Variants in FGD5 observed in about 807,000 individuals in gnomAD.
The protein encoded by FGD5 is FYVE, RhoGEF and PH domain containing 5.
A neutral mutation model predicts 133.4 loss-of-function variants in FGD5; 28 were observed. That is an observed-to-expected ratio of 0.21 (90% confidence interval 0.16 to 0.29). The LOEUF (loss-of-function observed/expected upper bound fraction) is 0.29. Among genes scored for constraint, FGD5 ranks in the 10% least tolerant of loss-of-function variants. FGD5 has a pLI of 1.00. For missense variants in FGD5, 1,858 were observed against 1,895.2 expected, an observed-to-expected ratio of 0.98 and a Z score of 0.36; for synonymous variants, 810 against 776.5, an observed-to-expected ratio of 1.04 and a Z score of -0.72.
chr3:14,821,516 C>G lies in FGD5; in HGVS notation c.2445C>G (p.Asn815Lys), dbSNP rs77774191. The change falls in exon 1 of 20, where the codon AAC becomes AAG. Residue 815 changes from asparagine (N) to lysine (K), a missense_variant. Asn to Lys is a moderately conservative substitution (Grantham distance 94). Transcript: ENST00000285046. ...EDQSRALSTA[N>K]ENDGYVDMSS... is the part of the protein sequence containing the mutation. ...AGAGCAGAGCCCTGTCCACAGCAAA[C>G]GAAAATGATGGCTACGTGGACATGA... 2.5e-6 allele frequency: 4 copies of G among 1,613,942 alleles called. No homozygotes were observed. In the South Asian group the frequency reaches 3.3e-5, roughly 13 times the overall value.
chr3:14,815,019 T>C (rs2036347665), upstream of FGD5, among the ~76,000 whole-genome samples: 1 of 152,190 alleles, frequency 6.6e-6, no homozygotes, highest in Non-Finnish European at 1.5e-5. Context: ...GCTTGGATAA[T>C]TGCAGGAGTC....
intron 1 of FGD5, among the ~76,000 whole-genome samples, chr3:14,840,290 G>A (rs909358884): frequency 1.3e-5 from 2 of 152,016 alleles, no homozygotes; most frequent in East Asian, 1.9e-4. Context: ...GATTACAGGC[G>A]TGTGCCACCA....
chr3:14,897,480 T>A, intron 4 of FGD5, 29 bp from the exon 5 acceptor site: 2 of 1,591,510 alleles, frequency 1.3e-6, no homozygotes, highest in Middle Eastern at 1.7e-4. Context: ...CCTATCAACC[T>A]GTGGGTAACA....
chr3:14,854,924 T>C (rs573541816), intron 1 of FGD5, among the ~76,000 whole-genome samples: 1 of 152,298 alleles, frequency 6.6e-6, no homozygotes, highest in African/African-American at 2.4e-5. Flanking sequence ...ATAACTGTAG[T>C]CCTCCTACAG....
At chr3:14,866,532 C>T (rs1027572922) in intron 2 of FGD5, among the ~76,000 whole-genome samples, 2 of 152,116 alleles carry the variant, frequency 1.3e-5, no homozygotes, top group Admixed American at 6.5e-5. Context: ...AGCTTTGTCC[C>T]TTGCTGGCTG....
chr3:14,876,114 G>A (rs1429635696), intron 2 of FGD5, among the ~76,000 whole-genome samples: 3 of 152,210 alleles, frequency 2.0e-5, no homozygotes, highest in Non-Finnish European at 4.4e-5. Context: ...TCTCCCACAG[G>A]TAGGACATGG....
chr3:14,837,440 G>C (rs2036837167), intron 1 of FGD5, among the ~76,000 whole-genome samples: 1 of 152,186 alleles, frequency 6.6e-6, no homozygotes. Context: ...CTTCGAACCT[G>C]CTAATTAGAG....
chr3:14,893,752 C>CT (rs138741627), intron 4 of FGD5, among the ~76,000 whole-genome samples: 12,521 of 94,874 alleles, frequency 0.13, 2,304 homozygotes, highest in African/African-American at 0.34. Context: ...TTTCTTTTTT[C>CT]TTTTTTTTTT....
chr3:14,911,018 G>A lies in FGD5; in HGVS notation c.3405+89G>A, dbSNP rs572624514. On this transcript the variant is annotated intron_variant, in intron 11 of 19. Coordinates refer to ENST00000285046, the MANE Select transcript of FGD5 (RefSeq NM_152536.4). ...ATTATTCAAGGACAAGTGGAATAGG[G>A]TGAGAGGAGAGTAGAACAGAGCAGA... 2.3e-6 allele frequency: 3 copies of A among 1,298,554 alleles called. No individual in the cohort carries two copies. In the Admixed American group the frequency reaches 6.0e-5, roughly 26 times the overall value. The allele number at this position is 1,298,554 out of a possible 1,614,324, so 80.4% of individuals were successfully genotyped here.
chr3:14,918,664 G>C (rs1235086794), intron 12 of FGD5, 90 bp from the exon 13 acceptor site: 5 of 1,315,158 alleles, frequency 3.8e-6, no homozygotes, highest in South Asian at 1.2e-5. Context: ...AGGTGGACAT[G>C]GTCCCTCTGT....
At position 14,822,765 on chromosome 3, in the gene FGD5, T is replaced by G. The variant is rs529440431; in HGVS notation, c.2525+1169T>G. ...GTGGTTGTGATTTTAAAAGAAACCCTCTGATTCTTTTCCCTCATGTGCAGA... is the reference window on the plus strand; with the variant it reads ...GTGGTTGTGATTTTAAAAGAAACCCGCTGATTCTTTTCCCTCATGTGCAGA... On this transcript the variant is annotated intron_variant, in intron 1 of 19. Transcript: ENST00000285046. Among the ~76,000 whole-genome samples, 13 of 152,320 alleles carry G rather than the reference T, an allele frequency of 8.5e-5. No homozygotes were observed. In the South Asian group the frequency reaches 1.7e-3, roughly 19 times the overall value.
intron 4 of FGD5, among the ~76,000 whole-genome samples, chr3:14,882,657 C>T (rs1378373459): frequency 2.0e-5 from 3 of 150,296 alleles, no homozygotes; most frequent in Admixed American, 1.3e-4. Flanking sequence ...GAGATCGTGC[C>T]ACTGCACTCC....
upstream of FGD5, among the ~76,000 whole-genome samples, chr3:14,814,862 A>G (rs1461760481): frequency 6.6e-6 from 1 of 152,160 alleles, no homozygotes; most frequent in Non-Finnish European, 1.5e-5. Flanking sequence ...CTAGTTGCGC[A>G]GACTCAAAAC....
chr3:14,897,755 T>G, intron 5 of FGD5, 86 bp downstream of exon 5: 1 of 1,476,864 alleles, frequency 6.8e-7, no homozygotes, highest in Non-Finnish European at 9.0e-7. Flanking sequence ...TGAAATAGTA[T>G]CTCCATTTGA....
Position 14,870,277 on chromosome 3 carries a change from GTGAGGT to G in FGD5, c.2658+6020_2658+6025del, listed in dbSNP as rs552817329. ...AGGAGGTCATTGTGGCTGGAGCAAG[GTGAGGT>G]TGGGGAAAGAAGGGGAGCGGGAGCT... is the stretch of plus-strand genomic sequence containing the variant. On this transcript the variant is annotated intron_variant, in intron 2 of 19. Transcript: ENST00000285046. Among the ~76,000 whole-genome samples the G allele has an allele frequency of 1.4e-4, 21 of 152,334 alleles. No homozygotes were observed. In the East Asian group the frequency reaches 4.1e-3, roughly 29 times the overall value.
chr3:14,900,441 G>C lies in FGD5; in HGVS notation c.3193G>C (p.Asp1065His), dbSNP rs528396278. ...CCTTTGTCCGGACTCCGCCGAGTAC[G>C]ACAACACACAGGGTGAGTCCAGCGT... ...NNLCPDSAEYDNTQGALSLIS... is the reference protein window; with the variant it reads ...NNLCPDSAEYHNTQGALSLIS... Residue 1065 changes from aspartate (D) to histidine (H), a missense_variant, in exon 8 of 20, where the codon GAC becomes CAC. Physicochemically the swap from Asp to His is moderately conservative, Grantham distance 81 (BLOSUM62 -1). Coordinates refer to ENST00000285046, the MANE Select transcript of FGD5 (RefSeq NM_152536.4). 6.2e-7 allele frequency: 1 copy of C among 1,613,454 alleles called. No individual in the cohort carries two copies. Among genetic ancestry groups the C allele is most frequent in the Non-Finnish European group, 8.5e-7 (1 of 1,179,686 alleles).
At chr3:14,870,556 C>T (rs1225187046) in intron 2 of FGD5, among the ~76,000 whole-genome samples, 7 of 152,188 alleles carry the variant, frequency 4.6e-5, no homozygotes, top group South Asian at 2.1e-4. Flanking sequence ...GGTTCTCCTT[C>T]GTTTCTGACT....
intron 1 of FGD5, among the ~76,000 whole-genome samples, chr3:14,811,156 G>C (rs1051233901): frequency 2.2e-4 from 33 of 152,260 alleles, no homozygotes; most frequent in Admixed American, 7.8e-4. Flanking sequence ...GTTCCCCGGA[G>C]TGAGGGTCCC....
chr3:14,929,079 G>GT (rs1427360415), intron 18 of FGD5, among the ~76,000 whole-genome samples: 2 of 152,148 alleles, frequency 1.3e-5, no homozygotes, highest in Non-Finnish European at 2.9e-5. Context: ...CCATAGATTA[G>GT]TTTTGCCTCT....
Sources: gnomAD v4.1 joint callset for allele counts (sites outside exome capture counted in the v4.1 genomes callset) on GRCh38, gnomAD v4.1.1 for gene constraint, MANE v1.5 for transcripts, NCBI Gene and HGNC (gene_info 2026-07-23, HGNC 2026-07-21) for gene names.